TLE4: variants seen among roughly 807,000 people sequenced by gnomAD.
TLE4 encodes the protein transducin-like enhancer protein 4.
Under a neutral mutation model 92.8 loss-of-function variants are expected in TLE4, and 8 were observed. The ratio of observed to expected loss-of-function variants is 0.09; its 90% CI spans 0.05 to 0.16. The LOEUF is 0.16. Ranked by LOEUF, TLE4 falls within the 10% of genes least tolerant of loss-of-function variation. The probability of loss-of-function intolerance (pLI) is 1.00; values close to 1 mark genes in which losing one functional copy is unlikely to be tolerated. For synonymous variants in TLE4, 371 were observed against 374.1 expected (o/e 0.99, Z 0.10); for missense variants, 675 against 997.6 (o/e 0.68, Z 4.36).
chr9:79,631,754 C>A (rs1261203065), intron 6 of TLE4, among the ~76,000 whole-genome samples: 1 of 150,252 alleles, frequency 6.7e-6, no homozygotes, highest in African/African-American at 2.4e-5. Flanking sequence ...TTCAAAACTG[C>A]CATTTTAACT....
chr9:79,621,140 G>A (rs2050862025), intron 5 of TLE4, among the ~76,000 whole-genome samples: 1 of 152,168 alleles, frequency 6.6e-6, no homozygotes, highest in African/African-American at 2.4e-5. Flanking sequence ...GGGAGATTGG[G>A]TTAAATTTAA....
At chr9:79,708,387 G>T (rs929181233) in intron 12 of TLE4, 137 bp downstream of exon 12, 1 of 1,186,994 alleles carries the variant, frequency 8.4e-7, no homozygotes, top group Non-Finnish European at 1.2e-6. Flanking sequence ...AACCTGAACC[G>T]AGCACCTGGG....
At chr9:79,654,012 T>TCTTCCCAC in intron 7 of TLE4, 47 bp from the exon 8 acceptor site, 1 of 1,610,902 alleles carries the variant, frequency 6.2e-7, no homozygotes, top group Non-Finnish European at 8.5e-7. Context: ...TTTCTTTTCT[T>TCTTCCCAC]CTTCCCACCA....
At chr9:79,723,066 G>A in intron 19 of TLE4, 31 bp downstream of exon 19, 1 of 1,593,222 alleles carries the variant, frequency 6.3e-7, no homozygotes, top group Non-Finnish European at 8.6e-7. Flanking sequence ...TACCACTTAT[G>A]TTTGTTTAAT....
At chr9:79,703,072 C>T (rs117017123) in intron 8 of TLE4, among the ~76,000 whole-genome samples, 3,617 of 151,996 alleles carry the variant, frequency 0.024, 82 homozygotes, top group Admixed American at 0.071. Context: ...AAAAAAAACC[C>T]GTTCAAAGAG....
chr9:79,573,347 C>A, intron 1 of TLE4: 1 of 1,105,284 alleles, frequency 9.0e-7, no homozygotes, highest in East Asian at 6.5e-5. Context: ...GCGGGTCCCC[C>A]CGACGGGCCA....
At chr9:79,636,954 C>T (rs1317286051) in intron 6 of TLE4, among the ~76,000 whole-genome samples, 1 of 152,088 alleles carries the variant, frequency 6.6e-6, no homozygotes, top group Non-Finnish European at 1.5e-5. Flanking sequence ...TTTGGATATT[C>T]TCCGTACAAT....
At chr9:79,651,903 C>T (rs576284336) in intron 6 of TLE4, among the ~76,000 whole-genome samples, 41 of 152,120 alleles carry the variant, frequency 2.7e-4, no homozygotes, top group African/African-American at 7.7e-4. Flanking sequence ...CAGTTACTCA[C>T]GTATATGTTT....
intron 6 of TLE4, among the ~76,000 whole-genome samples, chr9:79,632,401 T>C: frequency 6.6e-6 from 1 of 152,200 alleles, no homozygotes; most frequent in Admixed American, 6.5e-5. Context: ...TGGTTCACTA[T>C]TCATAGGCCC....
chr9:79,707,321 A>G (rs1035569507), intron 11 of TLE4: 18 of 938,334 alleles, frequency 1.9e-5, no homozygotes, highest in Non-Finnish European at 2.9e-5. Context: ...CTAAAAAGTA[A>G]TCTCTCATTT....
chr9:79,635,578 T>G (rs1043051233), intron 6 of TLE4, among the ~76,000 whole-genome samples: 9 of 152,050 alleles, frequency 5.9e-5, no homozygotes, highest in South Asian at 4.1e-4. Flanking sequence ...TTGAGGTTTT[T>G]TTTTTTTTTT....
chr9:79,722,429 C>A (rs772518377), intron 17 of TLE4, 22 bp from the exon 18 acceptor site: 127 of 1,613,198 alleles, frequency 7.9e-5, no homozygotes, highest in Non-Finnish European at 8.6e-5. Context: ...GCCACTGTCA[C>A]CATCACCTGT....
intron 9 of TLE4, 86 bp downstream of exon 9, chr9:79,704,988 A>C: frequency 6.4e-7 from 1 of 1,551,602 alleles, no homozygotes; most frequent in Non-Finnish European, 8.8e-7. Flanking sequence ...ACCAGCCAAC[A>C]CAGGAACACA....
chr9:79,574,259 T>G (rs2036965281), intron 2 of TLE4: 1 of 152,462 alleles, frequency 6.6e-6, no homozygotes, highest in Non-Finnish European at 1.5e-5. Context: ...ATAGACGATT[T>G]TTAGACTTAG....
At chr9:79,635,460 C>T (rs1030779084) in intron 6 of TLE4, among the ~76,000 whole-genome samples, 1 of 151,210 alleles carries the variant, frequency 6.6e-6, no homozygotes, top group Non-Finnish European at 1.5e-5. Context: ...GTAATCTTTG[C>T]CTAACCGAAG....
intron 4 of TLE4, among the ~76,000 whole-genome samples, chr9:79,598,089 A>C (rs1043863065): frequency 2.0e-5 from 3 of 150,512 alleles, no homozygotes; most frequent in Non-Finnish European, 3.0e-5. Flanking sequence ...AAAAAAAAAA[A>C]AAAAAAAAAC....
chr9:79,605,870 G>A (rs542712574), intron 4 of TLE4, among the ~76,000 whole-genome samples: 2 of 152,216 alleles, frequency 1.3e-5, no homozygotes, highest in African/African-American at 4.8e-5. Context: ...AAACCAAGTT[G>A]ACATTGCTTG....
chr9:79,694,699 A>C (rs2067839596), intron 8 of TLE4, among the ~76,000 whole-genome samples: 1 of 152,136 alleles, frequency 6.6e-6, no homozygotes, highest in East Asian at 1.9e-4. Context: ...CATCTTCCTT[A>C]AAAAACAAGT....
Position 79,704,844 on chromosome 9 carries a change from A to C in TLE4, c.671A>C (p.Asp224Ala). 1.9e-6 allele frequency: 3 copies of C among 1,614,188 alleles called. No individual in the cohort carries two copies. The highest frequency in any genetic ancestry group is 2.5e-6 in the Non-Finnish European group (3 of 1,180,020). ...GCTGAGAAGCACAGAAACTCCGCAG[A>C]CTACTCCTCAGAGAGCAAAAAGCAG... ...RGAEKHRNSA[D>A]YSSESKKQKT... is the part of the protein sequence containing the mutation. Residue 224 changes from aspartate to alanine, a missense_variant, in exon 9 of 20, where the codon GAC becomes GCC. Coordinates refer to ENST00000376552, the MANE Select transcript of TLE4 (RefSeq NM_007005.6).
Sources: gnomAD v4.1 joint callset for allele counts (sites outside exome capture counted in the v4.1 genomes callset) on GRCh38, gnomAD v4.1.1 for gene constraint, MANE v1.5 for transcripts, NCBI Gene and HGNC (gene_info 2026-07-23, HGNC 2026-07-21) for gene names.